DAB1: variants seen among roughly 807,000 people sequenced by gnomAD.
DAB1 encodes the protein disabled homolog 1.
In DAB1, 15 loss-of-function variants were observed where a neutral mutation model predicts 64.6. The ratio of observed to expected loss-of-function variants is 0.23; its 90% CI spans 0.16 to 0.36. The LOEUF (loss-of-function observed/expected upper bound fraction) is 0.36, where lower values mean the gene tolerates loss of function less well. Ranked by LOEUF, DAB1 falls within the 10% of genes least tolerant of loss-of-function variation. The pLI is 1.00. For missense variants in DAB1, 596 were observed against 706.7 expected (o/e 0.84, Z 1.78); for synonymous variants, 235 against 251.9 (o/e 0.93, Z 0.64).
At chr1:57,814,950 G>A (rs852750) in intron 6 of DAB1, among the ~76,000 whole-genome samples, 114 of 152,190 alleles carry the variant, frequency 7.5e-4, no homozygotes, top group African/African-American at 2.7e-3. Flanking sequence ...TTGAGGCTAC[G>A]ATGCTGTAGC....
intron 4 of DAB1, among the ~76,000 whole-genome samples, chr1:58,247,811 G>T (rs1025236164): frequency 8.6e-4 from 4 of 4,650 alleles, no homozygotes; most frequent in African/African-American, 4.3e-3. Context: ...ACCTCCCACC[G>T]AGTTCTCTGT....
At chr1:58,256,991 T>A (rs998180683) in intron 4 of DAB1, among the ~76,000 whole-genome samples, 1 of 152,256 alleles carries the variant, frequency 6.6e-6, no homozygotes, top group Admixed American at 6.5e-5. Context: ...ATTAAACATT[T>A]CACAAGGGGA....
chr1:57,365,099 TGAATATATACTTTGTATATATA>T (rs1462857711), intron 1 of DAB1, among the ~76,000 whole-genome samples: 179 of 145,116 alleles, frequency 1.2e-3, no homozygotes, highest in Non-Finnish European at 2.1e-3. Flanking sequence ...TATATACGTA[TGAATATATACTTTGTATATATA>T]GAATATATAT....
intron 5 of DAB1, among the ~76,000 whole-genome samples, chr1:57,930,635 T>G (rs1644940862): frequency 6.6e-6 from 1 of 152,202 alleles, no homozygotes; most frequent in Non-Finnish European, 1.5e-5. Flanking sequence ...GTGTGCTAAT[T>G]GATATTGTGT....
At chr1:58,115,986 A>G (rs993532788) in intron 5 of DAB1, among the ~76,000 whole-genome samples, 1 of 37,010 alleles carries the variant, frequency 2.7e-5, no homozygotes, top group African/African-American at 3.8e-4. Context: ...CTTAGAGTAT[A>G]AAAAAAAAAA....
intron 5 of DAB1, among the ~76,000 whole-genome samples, chr1:57,914,009 A>G (rs1644688326): frequency 6.6e-6 from 1 of 152,204 alleles, no homozygotes; most frequent in African/African-American, 2.4e-5. Flanking sequence ...ACTGTAAACC[A>G]GTTCAACCAC....
intron 4 of DAB1, among the ~76,000 whole-genome samples, chr1:58,326,293 T>C (rs1662822799): frequency 6.6e-6 from 1 of 152,210 alleles, no homozygotes; most frequent in Non-Finnish European, 1.5e-5. Context: ...GGGGCCTGTC[T>C]TGCTTGTTCA....
intron 1 of DAB1, among the ~76,000 whole-genome samples, chr1:57,327,851 C>A (rs538480237): frequency 3.3e-4 from 50 of 152,156 alleles, no homozygotes; most frequent in African/African-American, 1.2e-3. Flanking sequence ...GTGGAAAAAA[C>A]AACAACAAAA....
downstream of DAB1, among the ~76,000 whole-genome samples, chr1:57,821,966 C>T (rs141050308): frequency 6.4e-3 from 981 of 152,286 alleles, 7 homozygotes; most frequent in Non-Finnish European, 0.01. Context: ...CTCAAAACTA[C>T]TTGGAGGTGA....
chr1:57,609,007 T>C (rs1388199091), intron 7 of DAB1, among the ~76,000 whole-genome samples: 2 of 152,182 alleles, frequency 1.3e-5, no homozygotes, highest in Non-Finnish European at 2.9e-5. Flanking sequence ...TAAATATAAA[T>C]AGCAATTTGA....
At chr1:57,842,541 T>C (rs544616807) in intron 1 of DAB1, among the ~76,000 whole-genome samples, 3 of 152,106 alleles carry the variant, frequency 2.0e-5, no homozygotes, top group Non-Finnish European at 4.4e-5. Flanking sequence ...AAAAAAAAAG[T>C]CTAATTGGCT....
intron 5 of DAB1, among the ~76,000 whole-genome samples, chr1:58,116,489 G>A (rs1198391793): frequency 1.3e-5 from 2 of 152,172 alleles, no homozygotes; most frequent in Non-Finnish European, 2.9e-5. Flanking sequence ...GCCTCATCAA[G>A]TGCTTCCAAT....
At chr1:57,744,539 G>A (rs1212158900) in intron 6 of DAB1, among the ~76,000 whole-genome samples, 11 of 152,028 alleles carry the variant, frequency 7.2e-5, no homozygotes, top group Non-Finnish European at 1.5e-4. Context: ...ACCATTCTAA[G>A]TACTTGTAAT....
intron 10 of DAB1, among the ~76,000 whole-genome samples, chr1:57,025,280 T>C (rs1277281108): frequency 6.6e-6 from 1 of 152,208 alleles, no homozygotes; most frequent in Non-Finnish European, 1.5e-5. Flanking sequence ...GTGTTAATTC[T>C]GTTTTCTTCT....
chr1:58,091,277 A>T (rs1324708768), intron 5 of DAB1, among the ~76,000 whole-genome samples: 1 of 152,164 alleles, frequency 6.6e-6, no homozygotes, highest in Non-Finnish European at 1.5e-5. Context: ...AGCCTATAAA[A>T]TGTTTGTTAA....
chr1:58,175,763 T>G (rs1656434712), intron 4 of DAB1, among the ~76,000 whole-genome samples: 1 of 152,212 alleles, frequency 6.6e-6, no homozygotes, highest in South Asian at 2.1e-4. Flanking sequence ...TAAATAACTT[T>G]CTCAAGGTCA....
chr1:58,107,150 T>C lies in DAB1; in HGVS notation n.387+43361A>G, dbSNP rs932017303. On this transcript the variant is annotated intron_variant and non_coding_transcript_variant, in intron 5 of 20. Coordinates refer to the DAB1 transcript ENST00000485760. Reference sequence around the variant, plus strand: ...TGTGATAAGTGCTAGGACATAGAGATATGGGATGCAGTAAAAGTCTATAAA... The same window carrying C: ...TGTGATAAGTGCTAGGACATAGAGACATGGGATGCAGTAAAAGTCTATAAA... Among the ~76,000 whole-genome samples the C allele has an allele frequency of 2.0e-5, 3 of 151,414 alleles. No homozygotes were observed. In the East Asian group the frequency reaches 5.8e-4, roughly 29 times the overall value.
At chr1:58,350,740 C>T (rs573974531) in intron 3 of DAB1, among the ~76,000 whole-genome samples, 1 of 152,196 alleles carries the variant, frequency 6.6e-6, no homozygotes. Flanking sequence ...TTGTTTTTGT[C>T]AGGTTTGTCA....
At chr1:57,869,032 A>C (rs535752675) in intron 1 of DAB1, among the ~76,000 whole-genome samples, 2 of 152,212 alleles carry the variant, frequency 1.3e-5, no homozygotes, top group South Asian at 2.1e-4. Context: ...GGCCTCCCTA[A>C]GACTTGTTAT....
Sources: gnomAD v4.1 joint callset for allele counts (sites outside exome capture counted in the v4.1 genomes callset) on GRCh38, gnomAD v4.1.1 for gene constraint, MANE v1.5 for transcripts, NCBI Gene and HGNC (gene_info 2026-07-23, HGNC 2026-07-21) for gene names.